Variants in CEP128 observed in about 807,000 individuals in gnomAD.
CEP128 encodes centrosomal protein 128kDa.
Under a neutral mutation model 156.7 loss-of-function variants are expected in CEP128, and 132 were observed. That is an observed-to-expected ratio of 0.84 (90% CI 0.73 to 0.97). The LOEUF (loss-of-function observed/expected upper bound fraction) is 0.97. Ranked by LOEUF, CEP128 falls within the 50% of genes least tolerant of loss-of-function variation. The pLI is 0.00. For synonymous variants in CEP128, 469 were observed against 448.9 expected, an observed-to-expected ratio of 1.04 and a Z score of -0.57; for missense variants, 1,252 against 1,281.9, an observed-to-expected ratio of 0.98 and a Z score of 0.36.
intron 19 of CEP128, among the ~76,000 whole-genome samples, chr14:80,677,919 T>C (rs1032493953): frequency 8.5e-5 from 13 of 152,104 alleles, no homozygotes; most frequent in East Asian, 7.7e-4. Context: ...TTTTGAATTA[T>C]AGTCCTGAGT....
chr14:80,718,949 A>T (rs1283101910), intron 19 of CEP128, among the ~76,000 whole-genome samples: 1 of 152,164 alleles, frequency 6.6e-6, no homozygotes, highest in Non-Finnish European at 1.5e-5. Flanking sequence ...TTTCTGACAG[A>T]AAAGTTTTAT....
intron 16 of CEP128, among the ~76,000 whole-genome samples, chr14:80,773,904 T>C (rs1051714575): frequency 2.0e-5 from 3 of 152,194 alleles, no homozygotes; most frequent in Admixed American, 2.0e-4. Context: ...CTTTCTATAA[T>C]ATTTCAGGGT....
chr14:80,761,870 GA>G (rs1237641826), intron 16 of CEP128, among the ~76,000 whole-genome samples: 1 of 151,592 alleles, frequency 6.6e-6, no homozygotes, highest in African/African-American at 2.4e-5. Flanking sequence ...CTAACCAAAA[GA>G]AAAAAAGAAG....
chr14:80,591,563 T>TTG (rs1263232838), intron 19 of CEP128, among the ~76,000 whole-genome samples: 3 of 152,090 alleles, frequency 2.0e-5, no homozygotes, highest in South Asian at 2.1e-4. Context: ...AGTGGGAGAC[T>TTG]TTAACACCCC....
At chr14:80,582,772 T>G (rs1291484357) in intron 19 of CEP128, among the ~76,000 whole-genome samples, 1 of 152,110 alleles carries the variant, frequency 6.6e-6, no homozygotes, top group African/African-American at 2.4e-5. Flanking sequence ...CTCTTCAATA[T>G]TTGTGAGATA....
chr14:80,761,133 C>T (rs1899943045), intron 17 of CEP128, among the ~76,000 whole-genome samples: 1 of 151,716 alleles, frequency 6.6e-6, no homozygotes, highest in African/African-American at 2.4e-5. Flanking sequence ...ACAAAAATAG[C>T]CTGCGATAGT....
intron 13 of CEP128, among the ~76,000 whole-genome samples, chr14:80,821,600 T>TACACACACATAC (rs1885178754): frequency 6.9e-6 from 1 of 145,278 alleles, no homozygotes; most frequent in South Asian, 2.3e-4. Context: ...CATACACACA[T>TACACACACATAC]ACACACACAC....
At chr14:80,653,458 C>G (rs574682998) in intron 19 of CEP128, among the ~76,000 whole-genome samples, 3 of 152,174 alleles carry the variant, frequency 2.0e-5, no homozygotes, top group South Asian at 2.1e-4. Context: ...AGCAAGTTAT[C>G]CAGAAGATCT....
chr14:80,946,440 G>C (rs1016924338), upstream of CEP128, among the ~76,000 whole-genome samples: 2 of 150,756 alleles, frequency 1.3e-5, no homozygotes, highest in African/African-American at 4.9e-5. Flanking sequence ...GAAATCTAAA[G>C]AGCCTTGACT....
chr14:80,786,991 T>A (rs1901443557), intron 14 of CEP128, among the ~76,000 whole-genome samples: 3 of 152,164 alleles, frequency 2.0e-5, no homozygotes, highest in African/African-American at 7.2e-5. Flanking sequence ...GGAACACAGA[T>A]GAAGGAGTTC....
At position 80,909,652 on chromosome 14, in the gene CEP128, T is replaced by C. The variant is rs530003878; in HGVS notation, c.235-3571A>G. 1.1e-4 allele frequency among the ~76,000 whole-genome samples: 16 copies of C among 152,286 alleles called. No homozygotes were observed. In the East Asian group the frequency reaches 2.3e-3, roughly 22 times the overall value. On this transcript the variant is annotated intron_variant, in intron 4 of 24. Transcript: ENST00000555265. ...TTTTAAATTACTCTTCCAAGCATTA[T>C]GGCAAAAACAATTTTTGCACCTAAA...
In CEP128 at chr14:80,879,069, C is replaced by T. The variant is rs145554052; in HGVS notation, c.646-16196G>A. Among the ~76,000 whole-genome samples, 865 of 152,310 alleles carry T rather than the reference C, an allele frequency of 5.7e-3. 7 individuals carry two copies. The highest frequency in any genetic ancestry group is 0.014 in the Middle Eastern group (4 of 294). On this transcript the variant is annotated intron_variant, in intron 8 of 24. Coordinates refer to ENST00000555265, the MANE Select transcript of CEP128 (RefSeq NM_152446.5). Reference sequence around the variant, plus strand: ...TTCAGCCTAGACCACTGAGGCTCTGCAGGTATCACTAACATTGATCACAAC... The same window carrying T: ...TTCAGCCTAGACCACTGAGGCTCTGTAGGTATCACTAACATTGATCACAAC...
chr14:80,838,135 A>G (rs973929886), intron 11 of CEP128, 69 bp downstream of exon 11: 9 of 1,083,104 alleles, frequency 8.3e-6, no homozygotes, highest in Admixed American at 2.1e-5. Context: ...TTTCACAAAG[A>G]CATTTAAATA....
chr14:80,602,729 G>A (rs924353514), intron 19 of CEP128, among the ~76,000 whole-genome samples: 1 of 152,012 alleles, frequency 6.6e-6, no homozygotes, highest in Non-Finnish European at 1.5e-5. Flanking sequence ...CCGAGATCGC[G>A]CCACTGCATT....
chr14:80,641,375 A>T (rs1335547978), intron 19 of CEP128, among the ~76,000 whole-genome samples: 1 of 152,246 alleles, frequency 6.6e-6, no homozygotes, highest in Non-Finnish European at 1.5e-5. Flanking sequence ...TTCTTAACAT[A>T]GGGCCAGCGT....
chr14:80,812,539 C>T (rs1240492348), intron 13 of CEP128, among the ~76,000 whole-genome samples: 3 of 152,146 alleles, frequency 2.0e-5, no homozygotes, highest in Non-Finnish European at 4.4e-5. Context: ...TAAGCGTTCC[C>T]TTTCTCCATA....
At chr14:80,712,183 T>A (rs1025165216) in intron 19 of CEP128, among the ~76,000 whole-genome samples, 4 of 152,132 alleles carry the variant, frequency 2.6e-5, no homozygotes, top group African/African-American at 9.7e-5. Context: ...AATAAGGAGT[T>A]TGAGATGGTA....
intron 21 of CEP128, among the ~76,000 whole-genome samples, chr14:80,543,914 C>A (rs901798889): frequency 7.9e-5 from 12 of 152,096 alleles, no homozygotes; most frequent in African/African-American, 2.9e-4. Flanking sequence ...CTAAAAGTAG[C>A]CAAAACCACA....
At chr14:80,640,939 G>A (rs1431902249) in intron 19 of CEP128, among the ~76,000 whole-genome samples, 1 of 152,150 alleles carries the variant, frequency 6.6e-6, no homozygotes, top group Non-Finnish European at 1.5e-5. Context: ...ATCCAGCTCT[G>A]TCACCACCTA....
Sources: allele counts gnomAD v4.1 joint callset (sites outside exome capture counted in the v4.1 genomes callset), GRCh38; gene constraint gnomAD v4.1.1; transcripts MANE v1.5; gene names NCBI Gene and HGNC (gene_info 2026-07-23, HGNC 2026-07-21).